Variants in CLIP3 observed in about 807,000 individuals in gnomAD.
CLIP3 encodes the protein CAP-Gly domain-containing linker protein 3.
In CLIP3, 15 loss-of-function variants were observed where a neutral mutation model predicts 59.4. That is an observed-to-expected ratio of 0.25 (90% CI 0.17 to 0.39). The LOEUF (loss-of-function observed/expected upper bound fraction) is 0.39. Among genes scored for constraint, CLIP3 ranks in the 10% least tolerant of loss-of-function variants. The probability of loss-of-function intolerance (pLI) is 1.00; values close to 1 mark genes in which losing one functional copy is unlikely to be tolerated. For missense variants in CLIP3, 495 were observed against 765.7 expected, an observed-to-expected ratio of 0.65 and a Z score of 4.17; for synonymous variants, 300 against 321.6, an observed-to-expected ratio of 0.93 and a Z score of 0.72.
At position 36,024,584 on chromosome 19, in the gene CLIP3, T is replaced by G. The variant is rs1193659182; in HGVS notation, c.730A>C (p.Met244Leu). 2 of 1,614,114 alleles carry G rather than the reference T, an allele frequency of 1.2e-6. No homozygotes were observed. The highest frequency in any genetic ancestry group is 2.2e-5 in the South Asian group (2 of 91,094). Residue 244 changes from methionine to leucine, a missense_variant, in exon 7 of 14, where the codon ATG (methionine) becomes CTG (leucine). Around this residue, in one of 5 missense-constraint regions of CLIP3, gnomAD observed 194 missense variants for 327.8 expected, o/e 0.59. Transcript: ENST00000360535. ...PAEVVPDPMD[M>L]SLDKAEAALV... is the part of the protein sequence containing the mutation. ...GCCGCCTCTGCCTTGTCCAGGGACA[T>G]GTCCATAGGATCTGGGACCACCTCC...
At chr19:36,027,920 T>C (rs1294235263) in intron 2 of CLIP3, among the ~76,000 whole-genome samples, 1 of 149,732 alleles carries the variant, frequency 6.7e-6, no homozygotes, top group East Asian at 2.0e-4. Flanking sequence ...TTGGTGCTAC[T>C]CAAGGAGATT....
In CLIP3 at chr19:36,015,476, G is replaced by A. The variant is rs2145382845; in HGVS notation, c.*682C>T. ...CTGGGGGTTTCTTGAGGGTGCAGAGGGTAGGAAGACTTGGGGGGTCCTGTA... is the reference window on the plus strand; with the variant it reads ...CTGGGGGTTTCTTGAGGGTGCAGAGAGTAGGAAGACTTGGGGGGTCCTGTA... On this transcript the variant is annotated 3_prime_UTR_variant, in exon 14 of 14. Transcript: ENST00000360535. 1 of 153,350 alleles carries A rather than the reference G, an allele frequency of 6.5e-6. No homozygotes were observed. The highest frequency in any genetic ancestry group is 1.9e-4 in the East Asian group (1 of 5,190). 9.5% of individuals were successfully genotyped at this position (153,350 alleles called of 1,614,324 possible). A position where few individuals can be genotyped will look rare whatever the true frequency, so the allele number is the denominator to read the frequency against.
intron 6 of CLIP3, among the ~76,000 whole-genome samples, chr19:36,025,912 T>C (rs575427736): frequency 2.2e-4 from 34 of 152,368 alleles, no homozygotes; most frequent in African/African-American, 8.2e-4. Flanking sequence ...TGGATGACCC[T>C]GGGCAGATCC....
Position 36,026,747 on chromosome 19 carries a change from C to G in CLIP3, c.401G>C (p.Gly134Ala). 1 of 1,594,790 alleles carries G rather than the reference C, an allele frequency of 6.3e-7. No individual in the cohort carries two copies. ...YACKAGAHGVGDPAAAVRLSQ... is the reference protein window; with the variant it reads ...YACKAGAHGVADPAAAVRLSQ... ...GAGGCGCACGGCTGCCGCGGGGTCC[C>G]CTGCGCGATAGGCCGGGTCAGCTTG... The change falls in exon 5 of 14, where the codon GGG (glycine) becomes GCG (alanine). Residue 134 changes from glycine to alanine, a missense_variant and splice_region_variant. Gly to Ala is a moderately conservative substitution (Grantham distance 60). Transcript: ENST00000360535. This position sits in a 1 kb window ranked among gnomAD's most constrained non-coding sequence, Gnocchi z 6.3.
Position 36,026,796 on chromosome 19 carries a change from C to A in CLIP3, c.401-49G>T. ...TGGAACCCCCATTCCAGAGCATGGG[C>A]CCAGTGCACGGGGAGGACCCTGGGC... is the stretch of plus-strand genomic sequence containing the variant. On this transcript the variant is annotated intron_variant, in intron 4 of 13. Transcript: ENST00000360535. This position sits in a 1 kb window ranked among gnomAD's most constrained non-coding sequence, Gnocchi z 6.3. The A allele has an allele frequency of 6.4e-7, 1 of 1,574,384 alleles. No individual in the cohort carries two copies. The highest frequency in any genetic ancestry group is 8.6e-7 in the Non-Finnish European group (1 of 1,165,532).
chr19:36,025,260 C>G (rs1293215733), intron 6 of CLIP3, among the ~76,000 whole-genome samples: 1 of 151,960 alleles, frequency 6.6e-6, no homozygotes, highest in Admixed American at 6.6e-5. Context: ...AGACCCCAAG[C>G]CTGTAATGAG....
Position 36,032,447 on chromosome 19 carries a change from C to T in CLIP3, c.-58-32G>A, listed in dbSNP as rs1969291202. 5.2e-6 allele frequency: 3 copies of T among 577,428 alleles called. No individual in the cohort carries two copies. The highest frequency in any genetic ancestry group is 7.8e-6 in the Non-Finnish European group (3 of 385,328). 35.8% of individuals were successfully genotyped at this position (577,428 alleles called of 1,614,324 possible). A position where few individuals can be genotyped will look rare whatever the true frequency, so the allele number is the denominator to read the frequency against. On this transcript the variant is annotated intron_variant, in intron 1 of 13. Coordinates refer to ENST00000360535, the MANE Select transcript of CLIP3 (RefSeq NM_015526.3). The surrounding 1 kb of genome is among the most constrained non-coding windows in gnomAD (Gnocchi z 4.3). The stretch of plus-strand genomic sequence containing the variant: ...GCAGAGGTCAGCTGGAGAGGGTGCC[C>T]GGCAGGCTCCAGGGTCCAAGCCCCT...
rs1968850107 is a variant in CLIP3, at chr19:36,018,079, AC to A, written c.1184-89del. 29 of 1,460,216 alleles carry A rather than the reference AC, an allele frequency of 2.0e-5. No individual in the cohort carries two copies. In the South Asian group the frequency reaches 3.4e-4, roughly 17 times the overall value. The allele number at this position is 1,460,216 out of a possible 1,614,324, so 90.5% of individuals were successfully genotyped here. A position where few individuals can be genotyped will look rare whatever the true frequency, so the allele number is the denominator to read the frequency against. On this transcript the variant is annotated intron_variant, in intron 9 of 13. Transcript: ENST00000360535. ...CACCTGGAAAACCCCAAGGTAGAAAACCCTGTTCTTCGTTTGAAGTGAAACT... is the reference window on the plus strand; with the variant it reads ...CACCTGGAAAACCCCAAGGTAGAAAACCTGTTCTTCGTTTGAAGTGAAACT...
chr19:36,031,737 A>G (rs1409431436), intron 2 of CLIP3, among the ~76,000 whole-genome samples: 1 of 152,236 alleles, frequency 6.6e-6, no homozygotes, highest in African/African-American at 2.4e-5. Flanking sequence ...TACAATTTTC[A>G]TAATGTCTTG....
intron 7 of CLIP3, among the ~76,000 whole-genome samples, chr19:36,023,674 G>A (rs527250018): frequency 2.1e-4 from 32 of 151,774 alleles, no homozygotes; most frequent in East Asian, 5.8e-4. Context: ...CCAAAATGCC[G>A]GGATTAGAGG....
At chr19:36,029,806 A>T (rs1969210124) in intron 2 of CLIP3, among the ~76,000 whole-genome samples, 1 of 152,166 alleles carries the variant, frequency 6.6e-6, no homozygotes, top group Admixed American at 6.6e-5. Flanking sequence ...AATTTAACAG[A>T]TACATGATTT....
rs937063569 is a variant in CLIP3 at position 36,032,521 on chromosome 19, A to G, written c.-58-106T>C. The G allele has an allele frequency of 7.5e-6, 3 of 397,854 alleles. No individual in the cohort carries two copies. In the Admixed American group the frequency reaches 1.3e-4, roughly 18 times the overall value. The allele number at this position is 397,854 out of a possible 1,614,324, so 24.6% of individuals were successfully genotyped here. A position where few individuals can be genotyped will look rare whatever the true frequency, so the allele number is the denominator to read the frequency against. On this transcript the variant is annotated intron_variant, in intron 1 of 13. Coordinates refer to ENST00000360535, the MANE Select transcript of CLIP3 (RefSeq NM_015526.3). This position sits in a 1 kb window ranked among gnomAD's most constrained non-coding sequence, Gnocchi z 4.3. ...GCCTCCGCGCAACTGGATCTTGGGC[A>G]ACCATAGGGACCCCCGTTACCCATA... is the stretch of plus-strand genomic sequence containing the variant.
Position 36,016,876 on chromosome 19 carries a change from A to G in CLIP3, c.1589+31T>C. On this transcript the variant is annotated intron_variant, in intron 13 of 13. Transcript: ENST00000360535. The surrounding 1 kb of genome is among the most constrained non-coding windows in gnomAD (Gnocchi z 4.1). Reference sequence around the variant, plus strand: ...ATGGATCCCTCTCCCTGAATGTCACATAGGAGAGGGGACAGGGGTTGGCCA... The same window carrying G: ...ATGGATCCCTCTCCCTGAATGTCACGTAGGAGAGGGGACAGGGGTTGGCCA... 4.4e-6 allele frequency: 7 copies of G among 1,604,512 alleles called. No individual in the cohort carries two copies. The highest frequency in any genetic ancestry group is 6.0e-6 in the Non-Finnish European group (7 of 1,172,568).
Position 36,026,454 on chromosome 19 carries a change from C to T in CLIP3, c.562+132G>A, listed in dbSNP as rs1280786364. ...TAGAGTGGTAGTCCCTGAGCCCCCTCTCCCACGCCTCCAACCTCCCGCTAT... is the reference window on the plus strand; with the variant it reads ...TAGAGTGGTAGTCCCTGAGCCCCCTTTCCCACGCCTCCAACCTCCCGCTAT... On this transcript the variant is annotated intron_variant, in intron 5 of 13. Coordinates refer to ENST00000360535, the MANE Select transcript of CLIP3 (RefSeq NM_015526.3). This position sits in a 1 kb window ranked among gnomAD's most constrained non-coding sequence, Gnocchi z 6.3. 1.3e-5 allele frequency: 17 copies of T among 1,328,962 alleles called. No homozygotes were observed. The highest frequency in any genetic ancestry group is 1.7e-5 in the Non-Finnish European group (16 of 965,820). The allele number at this position is 1,328,962 out of a possible 1,614,324, so 82.3% of individuals were successfully genotyped here.
rs528427707 is a variant in CLIP3, at chr19:36,019,822, C to T, written c.919-516G>A. On this transcript the variant is annotated intron_variant, in intron 7 of 13. Transcript: ENST00000360535. ...TTCGCCATGTTGGCCAGGCTGGTCT[C>T]GAATTCCTGACCTCAGGTGATCCAC... is the stretch of plus-strand genomic sequence containing the variant. Among the ~76,000 whole-genome samples, 6 of 151,750 alleles carry T rather than the reference C, an allele frequency of 4.0e-5. No individual in the cohort carries two copies. The East Asian group carries it at 8.0e-4, about 20-fold the overall frequency.
rs1969292734 is a variant in CLIP3 at position 36,032,503 on chromosome 19, C to T, written c.-58-88G>A. On this transcript the variant is annotated intron_variant, in intron 1 of 13. Transcript: ENST00000360535. The surrounding 1 kb of genome is among the most constrained non-coding windows in gnomAD (Gnocchi z 4.3). ...CTTCCAGGGCCCCGGGTGGCCTCCG[C>T]GCAACTGGATCTTGGGCAACCATAG... 2.5e-6 allele frequency: 1 copy of T among 404,654 alleles called. No homozygotes were observed. Among genetic ancestry groups the T allele is most frequent in the Non-Finnish European group, 4.3e-6 (1 of 232,320 alleles). 25.1% of individuals were successfully genotyped at this position (404,654 alleles called of 1,614,324 possible). A position where few individuals can be genotyped will look rare whatever the true frequency, so the allele number is the denominator to read the frequency against.
Position 36,024,639 on chromosome 19 carries a change from G to A in CLIP3, c.682-7C>T, listed in dbSNP as rs376950137. 2.5e-6 allele frequency: 4 copies of A among 1,613,350 alleles called. No individual in the cohort carries two copies. The highest frequency in any genetic ancestry group is 3.4e-6 in the Non-Finnish European group (4 of 1,179,478). ...GCACCTGTCCTTTTCGATTCTGGGG[G>A]CCAATGGGAAAAGAAGGCAGGGACT... On this transcript the variant is annotated splice_polypyrimidine_tract_variant and splice_region_variant and intron_variant, in intron 6 of 13. Transcript: ENST00000360535.
chr19:36,029,273 T>C (rs1307607044), intron 2 of CLIP3, among the ~76,000 whole-genome samples: 3 of 143,998 alleles, frequency 2.1e-5, no homozygotes, highest in African/African-American at 5.3e-5. Context: ...TGGGCCAAGA[T>C]TGCACCATTG....
chr19:36,016,809 C>T lies in CLIP3; in HGVS notation c.1589+98G>A, dbSNP rs530336681. 4.6e-6 allele frequency: 6 copies of T among 1,303,966 alleles called. No individual in the cohort carries two copies. In the East Asian group the frequency reaches 7.5e-5, roughly 16 times the overall value. The allele number at this position is 1,303,966 out of a possible 1,614,324, so 80.8% of individuals were successfully genotyped here. A position where few individuals can be genotyped will look rare whatever the true frequency, so the allele number is the denominator to read the frequency against. On this transcript the variant is annotated intron_variant, in intron 13 of 13. Transcript: ENST00000360535. The surrounding 1 kb of genome is among the most constrained non-coding windows in gnomAD (Gnocchi z 4.1). Reference sequence around the variant, plus strand: ...CACAAGTTTTCCTAACCTCTCTTTCCAGCCCTGACCAGAGCTCCAGACCTC... The same window carrying T: ...CACAAGTTTTCCTAACCTCTCTTTCTAGCCCTGACCAGAGCTCCAGACCTC...
Sources: gnomAD v4.1 joint callset for allele counts (sites outside exome capture counted in the v4.1 genomes callset) on GRCh38, gnomAD v4.1.1 for gene constraint, gnomAD v4.1.1 regional missense constraint, Gnocchi (gnomAD v3.1) non-coding constraint, MANE v1.5 for transcripts, NCBI Gene and HGNC (gene_info 2026-07-23, HGNC 2026-07-21) for gene names.